ZMYND19: variants seen among roughly 807,000 people sequenced by gnomAD.
ZMYND19 encodes zinc finger MYND-type containing 19.
In ZMYND19, 17 loss-of-function variants were observed where a neutral mutation model predicts 32.0. The ratio of observed to expected loss-of-function variants is 0.53; its 90% CI spans 0.36 to 0.80. The LOEUF (loss-of-function observed/expected upper bound fraction) is 0.80, where lower values mean the gene tolerates loss of function less well. Ranked by LOEUF, ZMYND19 falls within the 30% of genes least tolerant of loss-of-function variation. The pLI is 0.00. For missense variants in ZMYND19, 250 were observed against 293.6 expected (o/e 0.85, Z 1.09); for synonymous variants, 124 against 113.6 (o/e 1.09, Z -0.58).
intron 3 of ZMYND19, 56 bp from the exon 4 acceptor site, chr9:137,587,163 A>G: frequency 1.0e-5 from 16 of 1,581,886 alleles, no homozygotes; most frequent in Non-Finnish European, 1.2e-5. Context: ...TCCCACCCTC[A>G]CAGACATTTC....
rs1223535437 is a variant in ZMYND19, at chr9:137,583,167, A to G, written c.360-4T>C. The G allele has an allele frequency of 6.2e-7, 1 of 1,613,468 alleles. No individual in the cohort carries two copies. The highest frequency in any genetic ancestry group is 8.5e-7 in the Non-Finnish European group (1 of 1,179,662). ...AAGCCAATACAAGCTTTGCTCCCTT[A>G]AAGAAAGAAGCAGACACTTGAGTGC... On this transcript the variant is annotated splice_region_variant and splice_polypyrimidine_tract_variant and intron_variant, in intron 4 of 5. Coordinates refer to ENST00000298585, the MANE Select transcript of ZMYND19 (RefSeq NM_138462.3).
rs1167895378 is a variant in ZMYND19, at chr9:137,590,509, G to A, written c.-246C>T. 6.7e-6 allele frequency: 1 copy of A among 150,174 alleles called. No homozygotes were observed. Among genetic ancestry groups the A allele is most frequent in the African/African-American group, 2.4e-5 (1 of 40,962 alleles). The allele number at this position is 150,174 out of a possible 1,614,324, so 9.3% of individuals were successfully genotyped here. A position where few individuals can be genotyped will look rare whatever the true frequency, so the allele number is the denominator to read the frequency against. Reference sequence around the variant, plus strand: ...GCCACCGCGCGCACCACAGCGAGCGGAGCGGAGGGGCGGGGCGCAGCCCCG... The same window carrying A: ...GCCACCGCGCGCACCACAGCGAGCGAAGCGGAGGGGCGGGGCGCAGCCCCG... On this transcript the variant is annotated 5_prime_UTR_variant, in exon 1 of 6. Transcript: ENST00000298585. The surrounding 1 kb of genome is among the most constrained non-coding windows in gnomAD (Gnocchi z 4.2).
chr9:137,588,682 G>C lies in ZMYND19; in HGVS notation c.88C>G (p.Leu30Val). 1 of 1,614,212 alleles carries C rather than the reference G, an allele frequency of 6.2e-7. No individual in the cohort carries two copies. The change falls in exon 2 of 6, where the codon CTG becomes GTG. Residue 30 changes from leucine to valine, a missense_variant. Physicochemically the swap from Leu to Val is conservative, Grantham distance 32 (BLOSUM62 1). Around this residue, in one of 2 missense-constraint regions of ZMYND19, gnomAD observed 212 missense variants for 218.8 expected, o/e 0.97. Coordinates refer to ENST00000298585, the MANE Select transcript of ZMYND19 (RefSeq NM_138462.3). The stretch of plus-strand genomic sequence containing the variant: ...ACCTCAAAGGAGTAGCTCTCCACCA[G>C]CGGGATGTCCTGCTCATCGATCAGC... The part of the protein sequence containing the change: ...YTLIDEQDIP[L>V]VESYSFEARM...
intron 2 of ZMYND19, among the ~76,000 whole-genome samples, chr9:137,588,165 C>G (rs1312569807): frequency 6.6e-6 from 1 of 152,076 alleles, no homozygotes; most frequent in Non-Finnish European, 1.5e-5. Context: ...GTGTGGGGCA[C>G]AGAGATAAAG....
rs1842164755 is a variant in ZMYND19 at position 137,583,007 on chromosome 9, A to T, written c.516T>A (p.Pro172=). The part of the protein sequence containing the change: ...NSCTYYECHY[P]PCTVIEKQLR... Reference sequence around the variant, plus strand: ...CCTGCTTCTCAATCACTGTGCAGGGAGGGTAGTGGCACTCATAGTAGGTGC... The same window carrying T: ...CCTGCTTCTCAATCACTGTGCAGGGTGGGTAGTGGCACTCATAGTAGGTGC... The change falls in exon 5 of 6, where the codon CCT becomes CCA. Residue 172 remains proline (P), a synonymous_variant. Coordinates refer to ENST00000298585, the MANE Select transcript of ZMYND19 (RefSeq NM_138462.3). The T allele has an allele frequency of 5.6e-6, 9 of 1,614,068 alleles. No homozygotes were observed. The highest frequency in any genetic ancestry group is 7.6e-6 in the Non-Finnish European group (9 of 1,180,024).
chr9:137,588,807 T>TCTG, intron 1 of ZMYND19, 89 bp from the exon 2 acceptor site: 2 of 1,486,698 alleles, frequency 1.3e-6, no homozygotes, highest in Non-Finnish European at 1.9e-6. Flanking sequence ...AGGAGCCTGT[T>TCTG]GCATTTTCCT....
Position 137,590,167 on chromosome 9 carries a change from C to T in ZMYND19, c.51+46G>A. 2.0e-6 allele frequency: 2 copies of T among 1,024,180 alleles called. No individual in the cohort carries two copies. The highest frequency in any genetic ancestry group is 1.7e-5 in the African/African-American group (1 of 57,268). 63.4% of individuals were successfully genotyped at this position (1,024,180 alleles called of 1,614,324 possible). On this transcript the variant is annotated intron_variant, in intron 1 of 5. Coordinates refer to ENST00000298585, the MANE Select transcript of ZMYND19 (RefSeq NM_138462.3). The surrounding 1 kb of genome is among the most constrained non-coding windows in gnomAD (Gnocchi z 4.2). ...AACCGCCCCCGGCCCCGCGCGGAGG[C>T]CTGGACGGGCGAGACGGGCCGGGTC...
Position 137,582,348 on chromosome 9 carries a change from C to T in ZMYND19, c.*195G>A. ...AGAACCGTCCTGGTGGGAGCCTCCT[C>T]CGTTGTCTCTGCTGGAGATGAACAC... On this transcript the variant is annotated 3_prime_UTR_variant, in exon 6 of 6. Transcript: ENST00000298585. 3.0e-6 allele frequency: 2 copies of T among 673,238 alleles called. No homozygotes were observed. Among genetic ancestry groups the T allele is most frequent in the East Asian group, 2.9e-5 (1 of 34,960 alleles). The allele number at this position is 673,238 out of a possible 1,614,324, so 41.7% of individuals were successfully genotyped here. A position where few individuals can be genotyped will look rare whatever the true frequency, so the allele number is the denominator to read the frequency against.
chr9:137,582,741 C>G, intron 5 of ZMYND19, 55 bp from the exon 6 acceptor site: 1 of 1,591,444 alleles, frequency 6.3e-7, no homozygotes, highest in Non-Finnish European at 8.5e-7. Context: ...CAGTGTGGGG[C>G]AAAGGCTGCG....
intron 4 of ZMYND19, among the ~76,000 whole-genome samples, chr9:137,586,081 C>G (rs1038255342): frequency 2.0e-5 from 3 of 152,262 alleles, no homozygotes; most frequent in Admixed American, 6.5e-5. Context: ...CTAGGGCCAG[C>G]AGGAACCGCC....
chr9:137,587,164 C>T (rs1299470159), intron 3 of ZMYND19, 57 bp from the exon 4 acceptor site: 1 of 1,581,640 alleles, frequency 6.3e-7, no homozygotes, highest in Non-Finnish European at 8.5e-7. Context: ...CCCACCCTCA[C>T]AGACATTTCT....
chr9:137,585,482 T>G (rs569101415), intron 4 of ZMYND19, among the ~76,000 whole-genome samples: 8 of 150,706 alleles, frequency 5.3e-5, no homozygotes, highest in Non-Finnish European at 8.8e-5. Flanking sequence ...AAGAACAGCC[T>G]GGGCAACATA....
chr9:137,582,426 A>AGCTGTCCTGGGCCC lies in ZMYND19; in HGVS notation c.*103_*116dup, dbSNP rs1173782684. On this transcript the variant is annotated 3_prime_UTR_variant, in exon 6 of 6. Coordinates refer to ENST00000298585, the MANE Select transcript of ZMYND19 (RefSeq NM_138462.3). ...CCTGTGACATCGGGAGTCTCACGGC[A>AGCTGTCCTGGGCCC]GCTGTCCTGGGCCCGCAGCTGGCTT... 2 of 1,429,696 alleles carry AGCTGTCCTGGGCCC rather than the reference A, an allele frequency of 1.4e-6. No homozygotes were observed. The highest frequency in any genetic ancestry group is 4.7e-5 in the East Asian group (2 of 42,934). 88.6% of individuals were successfully genotyped at this position (1,429,696 alleles called of 1,614,324 possible). A position where few individuals can be genotyped will look rare whatever the true frequency, so the allele number is the denominator to read the frequency against.
Position 137,590,155 on chromosome 9 carries a change from C to CCCGGCCCCCGGCA in ZMYND19, c.51+57_51+58insTGCCGGGGGCCGG, listed in dbSNP as rs921424370. On this transcript the variant is annotated intron_variant, in intron 1 of 5. Transcript: ENST00000298585. This position sits in a 1 kb window ranked among gnomAD's most constrained non-coding sequence, Gnocchi z 4.2. ...CGCCGCCCGCACAACCGCCCCCGGC[C>CCCGGCCCCCGGCA]CCGCGCGGAGGCCTGGACGGGCGAG... The CCCGGCCCCCGGCA allele has an allele frequency of 4.0e-6, 4 of 997,974 alleles. No individual in the cohort carries two copies. The Admixed American group carries it at 1.9e-4, about 46-fold the overall frequency. 61.8% of individuals were successfully genotyped at this position (997,974 alleles called of 1,614,324 possible).
Position 137,590,313 on chromosome 9 carries a change from G to T in ZMYND19, c.-50C>A. 1 of 1,022,998 alleles carries T rather than the reference G, an allele frequency of 9.8e-7. No individual in the cohort carries two copies. The highest frequency in any genetic ancestry group is 4.0e-5 in the South Asian group (1 of 25,030). 63.4% of individuals were successfully genotyped at this position (1,022,998 alleles called of 1,614,324 possible). On this transcript the variant is annotated 5_prime_UTR_variant, in exon 1 of 6. Transcript: ENST00000298585. The surrounding 1 kb of genome is among the most constrained non-coding windows in gnomAD (Gnocchi z 4.2). ...CAGCGCCGCTCCCTCGGGAGGCGCC[G>T]AGCGGGGGCCGGGGCGAGGCCGCGG...
chr9:137,582,681 C>T lies in ZMYND19; in HGVS notation c.546G>A (p.Arg182=). The T allele has an allele frequency of 6.2e-7, 1 of 1,612,726 alleles. No individual in the cohort carries two copies. The highest frequency in any genetic ancestry group is 8.5e-7 in the Non-Finnish European group (1 of 1,179,888). ...PPCTVIEKQL[R]EFNICGRCQV... The stretch of plus-strand genomic sequence containing the variant: ...GGCAGCGCCCACAGATGTTGAACTC[C>T]CGGAGCTGAAATACAGAACACCTGT... Residue 182 remains arginine (R), a synonymous_variant, in exon 6 of 6, where the codon CGG becomes CGA. Coordinates refer to ENST00000298585, the MANE Select transcript of ZMYND19 (RefSeq NM_138462.3).
At chr9:137,585,556 C>T (rs75444715) in intron 4 of ZMYND19, among the ~76,000 whole-genome samples, 1,922 of 151,974 alleles carry the variant, frequency 0.013, 38 homozygotes, top group African/African-American at 0.044. Flanking sequence ...AAAAAAACAC[C>T]AGCCCAACAA....
chr9:137,585,022 G>A (rs998567434), intron 4 of ZMYND19, among the ~76,000 whole-genome samples: 1 of 152,164 alleles, frequency 6.6e-6, no homozygotes, highest in Non-Finnish European at 1.5e-5. Context: ...TTCAACAATC[G>A]TAAGAGGCCT....
In ZMYND19 at chr9:137,586,957, G is replaced by A. The variant is rs1842212002; in HGVS notation, c.359+10C>T. ...CTCTGCTGGCATCGCCAGGCCCTGAGAAGACCCACCTCTGCTTGCTGGAGG... is the reference window on the plus strand; with the variant it reads ...CTCTGCTGGCATCGCCAGGCCCTGAAAAGACCCACCTCTGCTTGCTGGAGG... On this transcript the variant is annotated intron_variant, in intron 4 of 5. Transcript: ENST00000298585. The A allele has an allele frequency of 1.2e-6, 2 of 1,611,770 alleles. No individual in the cohort carries two copies. The highest frequency in any genetic ancestry group is 2.2e-5 in the East Asian group (1 of 44,882).
Sources: allele counts gnomAD v4.1 joint callset (sites outside exome capture counted in the v4.1 genomes callset), GRCh38; gene constraint gnomAD v4.1.1; regional missense constraint gnomAD v4.1.1; non-coding constraint Gnocchi (gnomAD v3.1); transcripts MANE v1.5; gene names NCBI Gene and HGNC (gene_info 2026-07-23, HGNC 2026-07-21).